Variants in KAT6B observed in about 807,000 individuals in gnomAD.
KAT6B encodes lysine acetyltransferase 6B.
In KAT6B, 10 loss-of-function variants were observed where a neutral mutation model predicts 187.5. The observed-to-expected ratio is 0.05, with a 90% CI of 0.03 to 0.09. The LOEUF is 0.09. Ranked by LOEUF, KAT6B falls within the 10% of genes least tolerant of loss-of-function variation. The pLI, the probability that KAT6B is intolerant of heterozygous loss-of-function variation, is 1.00. For synonymous variants in KAT6B, 861 were observed against 926.8 expected (o/e 0.93, Z 1.29); for missense variants, 1,952 against 2,558.9 (o/e 0.76, Z 5.12).
intron 13 of KAT6B, among the ~76,000 whole-genome samples, chr10:75,016,549 C>A (rs1457681096): frequency 6.6e-6 from 1 of 152,206 alleles, no homozygotes; most frequent in African/African-American, 2.4e-5. Context: ...TGGGCTACCC[C>A]GTTTTCAATT....
intron 6 of KAT6B, among the ~76,000 whole-genome samples, chr10:74,971,084 C>T (rs1253057565): frequency 1.3e-5 from 2 of 152,132 alleles, no homozygotes; most frequent in African/African-American, 2.4e-5. Flanking sequence ...TGCTGTCTTA[C>T]GTTCCAATTT....
At chr10:74,852,893 C>T (rs1043851663) in intron 3 of KAT6B, among the ~76,000 whole-genome samples, 2 of 152,170 alleles carry the variant, frequency 1.3e-5, no homozygotes, top group African/African-American at 4.8e-5. Flanking sequence ...ATTTGTGATA[C>T]TTTCAGTGCT....
chr10:74,948,149 C>G (rs748009292), intron 3 of KAT6B, among the ~76,000 whole-genome samples: 7 of 152,126 alleles, frequency 4.6e-5, no homozygotes, highest in Non-Finnish European at 8.8e-5. Flanking sequence ...GCAGGGAAAA[C>G]AAAAGAAGTC....
Position 74,839,108 on chromosome 10 carries a change from A to G in KAT6B, c.-259+356A>G, listed in dbSNP as rs535469623. Among the ~76,000 whole-genome samples, 161 of 151,830 alleles carry G rather than the reference A, an allele frequency of 1.1e-3. 2 individuals carry two copies. In the South Asian group the frequency reaches 0.017, roughly 16 times the overall value. ...GTGGAGATTGCAGTGAGCCGAGATC[A>G]TGCCATTGCACTCCAGCCTGGGCGA... On this transcript the variant is annotated intron_variant, in intron 2 of 17. Transcript: ENST00000287239.
At chr10:74,837,441 A>G (rs760734857) in intron 1 of KAT6B, among the ~76,000 whole-genome samples, 2 of 152,228 alleles carry the variant, frequency 1.3e-5, no homozygotes, top group Non-Finnish European at 2.9e-5. Flanking sequence ...TTTATAGAAA[A>G]AAAATGAAAA....
At chr10:74,879,910 C>T (rs887337265) in intron 3 of KAT6B, among the ~76,000 whole-genome samples, 2 of 152,236 alleles carry the variant, frequency 1.3e-5, no homozygotes, top group African/African-American at 4.8e-5. Context: ...GCCTGGCCAA[C>T]ACGGTGAAAC....
At chr10:74,892,006 G>A (rs947214338) in intron 3 of KAT6B, among the ~76,000 whole-genome samples, 56 of 152,194 alleles carry the variant, frequency 3.7e-4, no homozygotes, top group African/African-American at 1.3e-3. Context: ...CTGCAGGGGT[G>A]GACATGCTTC....
At chr10:74,894,847 C>T (rs577813197) in intron 3 of KAT6B, among the ~76,000 whole-genome samples, 81 of 152,154 alleles carry the variant, frequency 5.3e-4, no homozygotes, top group South Asian at 2.1e-3. Flanking sequence ...TTCTACCTTT[C>T]GGCTCCTGTG....
intron 13 of KAT6B, among the ~76,000 whole-genome samples, chr10:74,991,315 T>C (rs1290937188): frequency 6.6e-6 from 1 of 152,194 alleles, no homozygotes; most frequent in East Asian, 1.9e-4. Context: ...CCACAATCAT[T>C]GTCTACCTAA....
intron 3 of KAT6B, among the ~76,000 whole-genome samples, chr10:74,865,010 T>A (rs1361852265): frequency 6.6e-6 from 1 of 152,212 alleles, no homozygotes; most frequent in Non-Finnish European, 1.5e-5. Flanking sequence ...AGTACATTCT[T>A]CTTGAAAAAG....
rs567350022 is a variant in KAT6B at position 74,965,875 on chromosome 10, G to A, written c.731-3785G>A. Among the ~76,000 whole-genome samples, 10 of 150,680 alleles carry A rather than the reference G, an allele frequency of 6.6e-5. No individual in the cohort carries two copies. The East Asian group carries it at 1.4e-3, about 21-fold the overall frequency. On this transcript the variant is annotated intron_variant, in intron 4 of 17. Coordinates refer to ENST00000287239, the MANE Select transcript of KAT6B (RefSeq NM_012330.4). ...CGAGTAGCTGGGACTACAGGCGCCC[G>A]CCACCACGCCCGGCCAATTTTCTGT...
At chr10:74,984,992 G>A (rs118178453) in intron 11 of KAT6B, 88 bp from the exon 12 acceptor site, 15,626 of 1,176,774 alleles carry the variant, frequency 0.013, 177 homozygotes, top group Non-Finnish European at 0.015. Flanking sequence ...ATAAAATGAT[G>A]TACTTTCTGA....
chr10:74,982,275 T>C (rs1160569792), intron 11 of KAT6B: 2 of 321,116 alleles, frequency 6.2e-6, no homozygotes, highest in African/African-American at 4.3e-5. Flanking sequence ...CTCCAGCCAA[T>C]GTCTGGCAGG....
At chr10:74,860,411 T>G (rs1355168072) in intron 3 of KAT6B, among the ~76,000 whole-genome samples, 1 of 152,248 alleles carries the variant, frequency 6.6e-6, no homozygotes, top group Non-Finnish European at 1.5e-5. Flanking sequence ...AAGCATTTAA[T>G]ATATACAATA....
rs759143688 is a variant in KAT6B, at chr10:75,020,744, C to T, written c.2792C>T (p.Thr931Met). 6 of 1,614,206 alleles carry T rather than the reference C, an allele frequency of 3.7e-6. No individual in the cohort carries two copies. The highest frequency in any genetic ancestry group is 5.1e-6 in the Non-Finnish European group (6 of 1,180,044). ...AGCATCAAGGCAATTAGCAGAGCGA[C>T]GGGCATGTGCCCACATGACATTGCC... is the stretch of plus-strand genomic sequence containing the variant. The part of the protein sequence containing the change: ...HISIKAISRA[T>M]GMCPHDIATT... The change falls in exon 14 of 18, where the codon ACG becomes ATG. Residue 931 changes from threonine to methionine, a missense_variant. Thr to Met is a moderately conservative substitution (Grantham distance 81). This residue lies in a region of KAT6B where 758 missense variants were observed against 891.4 expected (regional missense o/e 0.85). Coordinates refer to ENST00000287239, the MANE Select transcript of KAT6B (RefSeq NM_012330.4).
chr10:74,972,125 A>T (rs1047914246), intron 6 of KAT6B, among the ~76,000 whole-genome samples: 1 of 152,184 alleles, frequency 6.6e-6, no homozygotes. Context: ...AAGAGATGAT[A>T]AGACAATTTT....
chr10:74,850,584 T>C (rs1315754484), intron 3 of KAT6B, among the ~76,000 whole-genome samples: 1 of 152,184 alleles, frequency 6.6e-6, no homozygotes, highest in Non-Finnish European at 1.5e-5. Flanking sequence ...CTCTCTTCGG[T>C]GAGGTGATAT....
chr10:74,845,174 G>C (rs1469693192), intron 3 of KAT6B, among the ~76,000 whole-genome samples: 1 of 151,684 alleles, frequency 6.6e-6, no homozygotes, highest in South Asian at 2.1e-4. Context: ...AGCCTTGATT[G>C]TACTCCAGCC....
At chr10:74,949,827 A>G (rs1840197037) in intron 3 of KAT6B, among the ~76,000 whole-genome samples, 2 of 152,222 alleles carry the variant, frequency 1.3e-5, no homozygotes, top group South Asian at 2.1e-4. Flanking sequence ...TTTTAGGGAT[A>G]TATGTAGGGA....
Sources: gnomAD v4.1 joint callset for allele counts (sites outside exome capture counted in the v4.1 genomes callset) on GRCh38, gnomAD v4.1.1 for gene constraint, gnomAD v4.1.1 regional missense constraint, MANE v1.5 for transcripts, NCBI Gene and HGNC (gene_info 2026-07-23, HGNC 2026-07-21) for gene names.